LRRTM4: variants seen among roughly 807,000 people sequenced by gnomAD.
LRRTM4 encodes leucine rich repeat transmembrane neuronal 4.
Under a neutral mutation model 47.6 loss-of-function variants are expected in LRRTM4, and 25 were observed. The observed-to-expected ratio is 0.53, with a 90% CI of 0.38 to 0.73. The LOEUF (loss-of-function observed/expected upper bound fraction) is 0.73. Among genes scored for constraint, LRRTM4 ranks in the 30% least tolerant of loss-of-function variants. The pLI is 0.00. For missense variants in LRRTM4, 638 were observed against 713.4 expected (o/e 0.89, Z 1.20); for synonymous variants, 311 against 269.5 (o/e 1.15, Z -1.51).
chr2:76,771,566 G>T (rs778896314), intron 3 of LRRTM4, among the ~76,000 whole-genome samples: 1 of 151,312 alleles, frequency 6.6e-6, no homozygotes, highest in Admixed American at 6.6e-5. Context: ...CCTTTGCTTC[G>T]GGCTTTGGCT....
At chr2:77,084,822 A>G (rs182810573) in intron 3 of LRRTM4, among the ~76,000 whole-genome samples, 70 of 152,358 alleles carry the variant, frequency 4.6e-4, no homozygotes, top group Admixed American at 1.1e-3. Flanking sequence ...ACTAACATTT[A>G]TAAGTGGTAA....
chr2:77,228,608 G>T (rs1674878043), intron 3 of LRRTM4, among the ~76,000 whole-genome samples: 1 of 152,140 alleles, frequency 6.6e-6, no homozygotes, highest in Admixed American at 6.6e-5. Context: ...CCAAGGCTTG[G>T]ATTCCAGCCC....
At chr2:76,989,906 G>A (rs774510736) in intron 3 of LRRTM4, 4 of 151,762 alleles carry the variant, frequency 2.6e-5, no homozygotes, top group Non-Finnish European at 4.4e-5. Flanking sequence ...TGATAAAACA[G>A]ATAAAGTACA....
At chr2:76,981,309 A>G (rs1032601668) in intron 3 of LRRTM4, among the ~76,000 whole-genome samples, 8 of 152,074 alleles carry the variant, frequency 5.3e-5, no homozygotes, top group Non-Finnish European at 2.9e-5. Context: ...TTTCTTAACT[A>G]TCTCTCACTC....
intron 3 of LRRTM4, among the ~76,000 whole-genome samples, chr2:76,930,663 T>C (rs1286768781): frequency 1.3e-5 from 2 of 152,088 alleles, no homozygotes; most frequent in Non-Finnish European, 2.9e-5. Flanking sequence ...CAGCATGCTG[T>C]AGTGGAAGGA....
At chr2:76,807,408 G>GTATATATATATATATATATA (rs1217096293) in intron 3 of LRRTM4, among the ~76,000 whole-genome samples, 1 of 40,300 alleles carries the variant, frequency 2.5e-5, no homozygotes, top group Non-Finnish European at 4.7e-5. Context: ...ATGTATATAC[G>GTATATATATATATATATATA]TATATATATA....
intron 3 of LRRTM4, among the ~76,000 whole-genome samples, chr2:76,841,745 TAA>T (rs1290261019): frequency 1.3e-5 from 2 of 148,920 alleles, no homozygotes; most frequent in Non-Finnish European, 3.0e-5. Flanking sequence ...TAGAAAAATG[TAA>T]AAAAGTATAT....
intron 3 of LRRTM4, among the ~76,000 whole-genome samples, chr2:77,133,113 A>G (rs1359654825): frequency 1.3e-5 from 2 of 152,198 alleles, no homozygotes. Context: ...GTTTTTGAGC[A>G]TAGCCAATGG....
chr2:76,890,958 G>A (rs1673233731), intron 3 of LRRTM4, among the ~76,000 whole-genome samples: 1 of 151,838 alleles, frequency 6.6e-6, no homozygotes, highest in African/African-American at 2.4e-5. Context: ...ACAGCCTAAT[G>A]GGGAAATTAG....
chr2:77,262,320 T>C (rs1163530533), intron 3 of LRRTM4, among the ~76,000 whole-genome samples: 1 of 151,866 alleles, frequency 6.6e-6, no homozygotes, highest in Non-Finnish European at 1.5e-5. Context: ...CATAGAAAAA[T>C]TGTCTTCCAC....
intron 3 of LRRTM4, among the ~76,000 whole-genome samples, chr2:76,866,133 A>G (rs1421069287): frequency 6.6e-6 from 1 of 152,092 alleles, no homozygotes; most frequent in East Asian, 1.9e-4. Flanking sequence ...GGTTAGGATG[A>G]TTCTCTTCCC....
chr2:77,088,558 C>T (rs1680806474), intron 3 of LRRTM4, among the ~76,000 whole-genome samples: 1 of 152,104 alleles, frequency 6.6e-6, no homozygotes, highest in Non-Finnish European at 1.5e-5. Flanking sequence ...GGCCCCACCC[C>T]TATCTCCATT....
intron 3 of LRRTM4, among the ~76,000 whole-genome samples, chr2:76,886,266 T>A (rs990304387): frequency 6.6e-6 from 1 of 152,228 alleles, no homozygotes; most frequent in Non-Finnish European, 1.5e-5. Flanking sequence ...TAGTCATTGA[T>A]CATTTGGGTC....
rs1573473991 is a variant in LRRTM4, at chr2:77,481,673, T to C, written c.1551+36645A>G. ...TTCTCCTTCTATGTTCTTTGCTTCT[T>C]AATTTGAAACTGTGAGATTCTTTCT... On this transcript the variant is annotated intron_variant, in intron 3 of 3. Transcript: ENST00000409884. Among the ~76,000 whole-genome samples, 5 of 152,318 alleles carry C rather than the reference T, an allele frequency of 3.3e-5. 2 individuals are homozygous for C. Among genetic ancestry groups the C allele is most frequent in the Admixed American group, 3.3e-4 (5 of 15,284 alleles).
At chr2:76,869,044 C>G (rs1672547727) in intron 3 of LRRTM4, among the ~76,000 whole-genome samples, 1 of 152,140 alleles carries the variant, frequency 6.6e-6, no homozygotes, top group Non-Finnish European at 1.5e-5. Flanking sequence ...GGCGCGGTGG[C>G]TCACGCATGT....
At chr2:76,825,748 G>A (rs1409863090) in intron 3 of LRRTM4, among the ~76,000 whole-genome samples, 1 of 151,544 alleles carries the variant, frequency 6.6e-6, no homozygotes, top group African/African-American at 2.4e-5. Context: ...CTTAGGGAGA[G>A]AGTGCAAAGG....
At position 76,972,240 on chromosome 2, in the gene LRRTM4, G is replaced by C. The variant is rs114282925; in HGVS notation, c.1552-223324C>G. Among the ~76,000 whole-genome samples, 1,495 of 152,036 alleles carry C rather than the reference G, an allele frequency of 9.8e-3. 23 individuals are homozygous for C. The highest frequency in any genetic ancestry group is 0.035 in the African/African-American group (1,443 of 41,488). On this transcript the variant is annotated intron_variant, in intron 3 of 3. Transcript: ENST00000409884. ...GGTGAGAGAGGACTGAGGAGGATGA[G>C]ATGAGAGGAAGTAGCTGGGCATGTG...
chr2:77,144,138 T>A (rs375747044), intron 3 of LRRTM4, among the ~76,000 whole-genome samples: 1 of 152,154 alleles, frequency 6.6e-6, no homozygotes. Flanking sequence ...GGAGCTAGAA[T>A]GCTATTTCTG....
At chr2:77,335,666 T>C (rs1372836348) in intron 3 of LRRTM4, among the ~76,000 whole-genome samples, 1 of 152,204 alleles carries the variant, frequency 6.6e-6, no homozygotes. Flanking sequence ...TTTATCATAA[T>C]TATTGTTCTT....
Sources: allele counts gnomAD v4.1 joint callset (sites outside exome capture counted in the v4.1 genomes callset), GRCh38; gene constraint gnomAD v4.1.1; transcripts MANE v1.5; gene names NCBI Gene and HGNC (gene_info 2026-07-23, HGNC 2026-07-21).